Variants in PLCB1 observed in about 807,000 individuals in gnomAD.
PLCB1 encodes 1-phosphatidylinositol 4,5-bisphosphate phosphodiesterase beta-1.
Under a neutral mutation model 161.8 loss-of-function variants are expected in PLCB1, and 46 were observed. The ratio of observed to expected loss-of-function variants is 0.28; its 90% confidence interval spans 0.22 to 0.36. The LOEUF (loss-of-function observed/expected upper bound fraction) is 0.36. Among genes scored for constraint, PLCB1 ranks in the 10% least tolerant of loss-of-function variants. The pLI is 1.00. For synonymous variants in PLCB1, 517 were observed against 503.7 expected, an observed-to-expected ratio of 1.03 and a Z score of -0.35; for missense variants, 1,016 against 1,472.5, an observed-to-expected ratio of 0.69 and a Z score of 5.07.
rs982730644 is a variant in PLCB1, at chr20:8,311,038, T to C, written c.178-60344T>C. Among the ~76,000 whole-genome samples the C allele has an allele frequency of 1.6e-4, 24 of 152,304 alleles. No individual in the cohort carries two copies. The Middle Eastern group carries it at 0.01, about 65-fold the overall frequency. ...TACTCTCACCAGCAATGAGTAAGCT[T>C]TCCCTTTTTTCTACAGCTTCACCAA... On this transcript the variant is annotated intron_variant, in intron 2 of 31. Coordinates refer to ENST00000338037, the MANE Select transcript of PLCB1 (RefSeq NM_015192.4).
At chr20:8,871,677 A>G (rs1292888457) in intron 31 of PLCB1, among the ~76,000 whole-genome samples, 1 of 152,188 alleles carries the variant, frequency 6.6e-6, no homozygotes, top group Non-Finnish European at 1.5e-5. Flanking sequence ...ATCAAAATCA[A>G]CAAAAAACCA....
intron 1 of PLCB1, among the ~76,000 whole-genome samples, chr20:8,134,868 TAA>T (rs869044169): frequency 2.9e-5 from 4 of 139,794 alleles, no homozygotes; most frequent in East Asian, 2.0e-4. Context: ...AGGTCTTTTT[TAA>T]AAAAAAAAAA....
chr20:8,432,709 A>G (rs1980106218), intron 3 of PLCB1, among the ~76,000 whole-genome samples: 1 of 152,224 alleles, frequency 6.6e-6, no homozygotes, highest in Non-Finnish European at 1.5e-5. Context: ...TCAAAGCGAC[A>G]GAAACTTAGA....
At chr20:8,629,964 T>TC (rs1555778014) in intron 4 of PLCB1, among the ~76,000 whole-genome samples, 1 of 5,212 alleles carries the variant, frequency 1.9e-4, no homozygotes, top group Non-Finnish European at 4.2e-4. Flanking sequence ...TCTTTCTTTC[T>TC]TCTTTCTTTC....
intron 29 of PLCB1, 40 bp downstream of exon 29, chr20:8,788,762 G>C (rs1016750702): frequency 1.5e-6 from 2 of 1,315,558 alleles, no homozygotes; most frequent in African/African-American, 2.9e-5. Context: ...AGTTCATCTG[G>C]GAATTATTTT....
chr20:8,275,109 T>G (rs908654274), intron 2 of PLCB1, among the ~76,000 whole-genome samples: 8 of 152,070 alleles, frequency 5.3e-5, no homozygotes, highest in African/African-American at 1.9e-4. Context: ...GCTGAATATT[T>G]CACGTTCTTT....
chr20:8,218,020 T>C (rs1467292109), intron 2 of PLCB1, among the ~76,000 whole-genome samples: 1 of 152,162 alleles, frequency 6.6e-6, no homozygotes, highest in Non-Finnish European at 1.5e-5. Context: ...TAGTCTGTGG[T>C]ATTTTATTAT....
At chr20:8,195,875 G>A (rs1276390522) in intron 2 of PLCB1, among the ~76,000 whole-genome samples, 1 of 152,086 alleles carries the variant, frequency 6.6e-6, no homozygotes, top group Non-Finnish European at 1.5e-5. Context: ...TCACACTGGT[G>A]TGAAGAAATA....
intron 3 of PLCB1, among the ~76,000 whole-genome samples, chr20:8,532,284 AT>A (rs1984844547): frequency 6.6e-6 from 1 of 152,164 alleles, no homozygotes; most frequent in South Asian, 2.1e-4. Context: ...CTGTTTTATC[AT>A]TTACTAAGTA....
At chr20:8,362,280 A>ATAAGTTG (rs1196775107) in intron 2 of PLCB1, among the ~76,000 whole-genome samples, 1 of 152,202 alleles carries the variant, frequency 6.6e-6, no homozygotes, top group African/African-American at 2.4e-5. Context: ...TTTTAATGTC[A>ATAAGTTG]ACCTAATAAG....
intron 2 of PLCB1, among the ~76,000 whole-genome samples, chr20:8,212,154 C>A (rs1177878638): frequency 6.6e-6 from 1 of 151,988 alleles, no homozygotes; most frequent in African/African-American, 2.4e-5. Context: ...TTCCTAGTTT[C>A]TATGATTTTT....
chr20:8,436,097 G>A (rs1394983263), intron 3 of PLCB1, among the ~76,000 whole-genome samples: 2 of 152,134 alleles, frequency 1.3e-5, no homozygotes, highest in African/African-American at 4.8e-5. Flanking sequence ...CCAGCACTTT[G>A]GGAGGCTGAG....
At chr20:8,686,233 T>G (rs6056007) in intron 10 of PLCB1, among the ~76,000 whole-genome samples, 10 of 152,112 alleles carry the variant, frequency 6.6e-5, no homozygotes, top group Admixed American at 4.6e-4. Context: ...AGGAGGTTCA[T>G]GGAATATCAC....
intron 3 of PLCB1, among the ~76,000 whole-genome samples, chr20:8,417,659 A>C (rs1187199824): frequency 6.6e-6 from 1 of 152,192 alleles, no homozygotes; most frequent in Non-Finnish European, 1.5e-5. Flanking sequence ...CCATGAAATG[A>C]TATACAATCT....
At chr20:8,258,454 T>C (rs973477639) in intron 2 of PLCB1, among the ~76,000 whole-genome samples, 1 of 152,162 alleles carries the variant, frequency 6.6e-6, no homozygotes, top group African/African-American at 2.4e-5. Flanking sequence ...TTACATTTGC[T>C]CTGGAAGTGG....
chr20:8,334,917 A>G (rs566740752), intron 2 of PLCB1, among the ~76,000 whole-genome samples: 3 of 152,328 alleles, frequency 2.0e-5, no homozygotes, highest in Admixed American at 6.5e-5. Context: ...GCTCTTGGCA[A>G]TTAGTCAAAG....
chr20:8,564,500 T>C (rs977185423), intron 3 of PLCB1, among the ~76,000 whole-genome samples: 1 of 152,078 alleles, frequency 6.6e-6, no homozygotes, highest in Non-Finnish European at 1.5e-5. Context: ...CTAATTAAAC[T>C]AAAGACCTTC....
chr20:8,880,844 T>TTTTA (rs1987944711), intron 31 of PLCB1: 1 of 133,886 alleles, frequency 7.5e-6, no homozygotes, highest in Non-Finnish European at 1.5e-5. Flanking sequence ...CTTTTCCTCT[T>TTTTA]TTTCTTTCTT....
At chr20:8,836,577 C>T (rs67567736) in intron 31 of PLCB1, among the ~76,000 whole-genome samples, 25,423 of 133,990 alleles carry the variant, frequency 0.19, 2,245 homozygotes, top group South Asian at 0.25. Context: ...TTAGGTTTAA[C>T]GATGCTAATA....
Sources: allele counts gnomAD v4.1 joint callset (sites outside exome capture counted in the v4.1 genomes callset), GRCh38; gene constraint gnomAD v4.1.1; transcripts MANE v1.5; gene names NCBI Gene and HGNC (gene_info 2026-07-23, HGNC 2026-07-21).